PRKAA2: variants seen among roughly 807,000 people sequenced by gnomAD.
PRKAA2 encodes the protein protein kinase AMP-activated catalytic subunit alpha 2.
In PRKAA2, 40 loss-of-function variants were observed where a neutral mutation model predicts 56.3. The ratio of observed to expected loss-of-function variants is 0.71; its 90% CI spans 0.55 to 0.92. The LOEUF is 0.92. Among genes scored for constraint, PRKAA2 ranks in the 40% least tolerant of loss-of-function variants. The pLI, the probability that PRKAA2 is intolerant of heterozygous loss-of-function variation, is 0.00. For missense variants in PRKAA2, 542 were observed against 686.9 expected, an observed-to-expected ratio of 0.79 and a Z score of 2.36; for synonymous variants, 214 against 234.2, an observed-to-expected ratio of 0.91 and a Z score of 0.79.
intron 2 of PRKAA2, among the ~76,000 whole-genome samples, chr1:56,680,201 A>G (rs1266884905): frequency 2.0e-5 from 3 of 152,164 alleles, no homozygotes; most frequent in Non-Finnish European, 4.4e-5. Context: ...ACTCACTAAG[A>G]CTAGGTTAGG....
Position 56,711,105 on chromosome 1 carries a change from G to T in PRKAA2, c.*3392G>T, listed in dbSNP as rs1644366287. On this transcript the variant is annotated 3_prime_UTR_variant, in exon 9 of 9. Transcript: ENST00000371244. ...ACTAGCTATCTATAAAGAGAATCCA[G>T]AAGGCTAAATTAATCAGAAATAATT... The T allele has an allele frequency of 6.6e-6, 1 of 152,062 alleles. No individual in the cohort carries two copies. The highest frequency in any genetic ancestry group is 6.6e-5 in the Admixed American group (1 of 15,260). 9.4% of individuals were successfully genotyped at this position (152,062 alleles called of 1,614,324 possible).
chr1:56,699,065 G>A (rs1644277075), intron 6 of PRKAA2, among the ~76,000 whole-genome samples: 1 of 152,150 alleles, frequency 6.6e-6, no homozygotes, highest in African/African-American at 2.4e-5. Context: ...GAATTTTGGG[G>A]AGCGTAGTCA....
At position 56,713,846 on chromosome 1, in the gene PRKAA2, T is replaced by C. The variant is rs887669984; in HGVS notation, c.*6133T>C. 3 of 99,736 alleles carry C rather than the reference T, an allele frequency of 3.0e-5. No individual in the cohort carries two copies. Among genetic ancestry groups the C allele is most frequent in the African/African-American group, 1.5e-4 (3 of 19,710 alleles). The allele number at this position is 99,736 out of a possible 1,614,324, so 6.2% of individuals were successfully genotyped here. On this transcript the variant is annotated 3_prime_UTR_variant, in exon 9 of 9. Transcript: ENST00000371244. ...CTAAAGTGGAAGAGAGATCCACTGT[T>C]CTAAAAAAAAAAAAAAAAAAAAACA...
At position 56,691,488 on chromosome 1, in the gene PRKAA2, G is replaced by A; in HGVS notation, c.330+1G>A. ...TGACTACATCTGTAAGCATGGACGG[G>A]TGAGTAACATACTATCTGGTACACT... On this transcript the variant is annotated splice_donor_variant, in intron 3 of 8. Transcript: ENST00000371244. LOFTEE classifies it high-confidence loss of function. The A allele has an allele frequency of 1.3e-6, 2 of 1,594,468 alleles. No individual in the cohort carries two copies. Among genetic ancestry groups the A allele is most frequent in the East Asian group, 2.2e-5 (1 of 44,620 alleles).
At chr1:56,681,000 C>T (rs1644150224) in intron 2 of PRKAA2, among the ~76,000 whole-genome samples, 4 of 152,208 alleles carry the variant, frequency 2.6e-5, no homozygotes, top group Admixed American at 6.5e-5. Context: ...CCTATTTCTC[C>T]ACATCCTCTC....
chr1:56,702,091 T>C (rs1287827647), intron 6 of PRKAA2, among the ~76,000 whole-genome samples: 5 of 151,780 alleles, frequency 3.3e-5, no homozygotes, highest in Admixed American at 6.6e-5. Context: ...CTTTTCTTTT[T>C]TTTTTTTTTG....
chr1:56,704,363 C>G lies in PRKAA2; in HGVS notation c.1181C>G (p.Ser394Cys), dbSNP rs1322462262. The part of the protein sequence containing the change: ...LDALNTTKPK[S>C]LAVKKAKWHL... ...GCACTGAATACGACTAAGCCCAAATCTTTAGCTGTGAAAAAAGCCAAGTGG... is the reference window on the plus strand; with the variant it reads ...GCACTGAATACGACTAAGCCCAAATGTTTAGCTGTGAAAAAAGCCAAGTGG... The change falls in exon 7 of 9, where the codon TCT becomes TGT. Residue 394 changes from serine (S) to cysteine (C), a missense_variant. Physicochemically the swap from Ser to Cys is moderately radical, Grantham distance 112. Coordinates refer to ENST00000371244, the MANE Select transcript of PRKAA2 (RefSeq NM_006252.4). The G allele has an allele frequency of 1.2e-6, 2 of 1,614,036 alleles. No individual in the cohort carries two copies. Among genetic ancestry groups the G allele is most frequent in the Non-Finnish European group, 1.7e-6 (2 of 1,180,022 alleles).
At chr1:56,704,799 T>C (rs930930187) in intron 7 of PRKAA2, among the ~76,000 whole-genome samples, 13 of 149,000 alleles carry the variant, frequency 8.7e-5, no homozygotes, top group South Asian at 2.1e-4. Context: ...TACTTTCTCT[T>C]TTTTTTTTTA....
In PRKAA2 at chr1:56,710,716, ATCTTG is replaced by A. The variant is rs777042377; in HGVS notation, c.*3005_*3009del. On this transcript the variant is annotated 3_prime_UTR_variant, in exon 9 of 9. Coordinates refer to ENST00000371244, the MANE Select transcript of PRKAA2 (RefSeq NM_006252.4). ...TCATGACACCTTGGTTTTCTTAATC[ATCTTG>A]TATTATTATTTGAGTGCAACATTAT... 3 of 152,070 alleles carry A rather than the reference ATCTTG, an allele frequency of 2.0e-5. No individual in the cohort carries two copies. Among genetic ancestry groups the A allele is most frequent in the Non-Finnish European group, 2.9e-5 (2 of 67,964 alleles). 9.4% of individuals were successfully genotyped at this position (152,070 alleles called of 1,614,324 possible).
chr1:56,683,071 A>AT (rs10606990), intron 2 of PRKAA2, among the ~76,000 whole-genome samples: 110 of 87,212 alleles, frequency 1.3e-3, no homozygotes, highest in African/African-American at 3.2e-3. Flanking sequence ...AAAGAAAGGA[A>AT]TTTTTTTTTT....
At chr1:56,666,147 G>A (rs1421355591) in intron 1 of PRKAA2, among the ~76,000 whole-genome samples, 2 of 152,050 alleles carry the variant, frequency 1.3e-5, no homozygotes, top group East Asian at 1.9e-4. Context: ...ATATATTCAC[G>A]CACCCCAAGT....
chr1:56,704,596 AAAAAC>A, intron 7 of PRKAA2, 121 bp downstream of exon 7: 4 of 1,164,096 alleles, frequency 3.4e-6, no homozygotes, highest in Non-Finnish European at 4.7e-6. Flanking sequence ...TATGCACATT[AAAAAC>A]AAAACAAATA....
At chr1:56,678,901 G>A (rs539050667) in intron 2 of PRKAA2, among the ~76,000 whole-genome samples, 3 of 152,128 alleles carry the variant, frequency 2.0e-5, no homozygotes, top group South Asian at 2.1e-4. Flanking sequence ...TCACCATGTT[G>A]GCCAGGATGG....
At position 56,692,437 on chromosome 1, in the gene PRKAA2, A is replaced by G. The variant is rs757499355; in HGVS notation, c.410A>G (p.His137Arg). 3.1e-6 allele frequency: 5 copies of G among 1,614,136 alleles called. No individual in the cohort carries two copies. Among genetic ancestry groups the G allele is most frequent in the Non-Finnish European group, 4.2e-6 (5 of 1,180,002 alleles). The stretch of plus-strand genomic sequence containing the variant: ...TACTGTCATAGGCATATGGTTGTTC[A>G]TCGAGACCTGAAACCAGAGAATGTC... ...VDYCHRHMVV[H>R]RDLKPENVLL... Residue 137 changes from histidine to arginine, a missense_variant, in exon 4 of 9, where the codon CAT becomes CGT. His to Arg is a conservative substitution (Grantham distance 29, BLOSUM62 0). This residue lies in a region of PRKAA2 where 121 missense variants were observed against 210.0 expected (regional missense o/e 0.58). Transcript: ENST00000371244.
chr1:56,686,938 G>A (rs990285480), intron 2 of PRKAA2, among the ~76,000 whole-genome samples: 1 of 147,778 alleles, frequency 6.8e-6, no homozygotes, highest in African/African-American at 2.5e-5. Flanking sequence ...AGGCTGGAGT[G>A]CAATGGCGTG....
intron 2 of PRKAA2, among the ~76,000 whole-genome samples, chr1:56,684,302 G>A (rs1330270780): frequency 6.6e-6 from 1 of 152,066 alleles, no homozygotes; most frequent in Non-Finnish European, 1.5e-5. Flanking sequence ...ATGCTTATTA[G>A]ACATCCAAGT....
chr1:56,710,741 C>T lies in PRKAA2; in HGVS notation c.*3028C>T, dbSNP rs2100445245. On this transcript the variant is annotated 3_prime_UTR_variant, in exon 9 of 9. Coordinates refer to ENST00000371244, the MANE Select transcript of PRKAA2 (RefSeq NM_006252.4). ...ATCTTGTATTATTATTTGAGTGCAA[C>T]ATTATTCTTATGCATGGGTGACTGA... 1 of 152,064 alleles carries T rather than the reference C, an allele frequency of 6.6e-6. No individual in the cohort carries two copies. Among genetic ancestry groups the T allele is most frequent in the African/African-American group, 2.4e-5 (1 of 41,476 alleles). 9.4% of individuals were successfully genotyped at this position (152,064 alleles called of 1,614,324 possible).
chr1:56,712,425 G>A lies in PRKAA2; in HGVS notation c.*4712G>A, dbSNP rs1369121308. ...TACTAACGAGATGTAATTATCTGAA[G>A]TATTTATGATTAGCATATTGGTTTT... On this transcript the variant is annotated 3_prime_UTR_variant, in exon 9 of 9. Transcript: ENST00000371244. The A allele has an allele frequency of 3.3e-5, 5 of 152,162 alleles. No individual in the cohort carries two copies. Among genetic ancestry groups the A allele is most frequent in the Admixed American group, 6.6e-5 (1 of 15,260 alleles). 9.4% of individuals were successfully genotyped at this position (152,162 alleles called of 1,614,324 possible).
intron 1 of PRKAA2, chr1:56,671,452 G>T (rs1449595002): frequency 6.6e-6 from 1 of 152,122 alleles, no homozygotes; most frequent in Non-Finnish European, 1.5e-5. Flanking sequence ...TGAATAGAAA[G>T]TTCCTAGAAA....
Sources: gnomAD v4.1 joint callset for allele counts (sites outside exome capture counted in the v4.1 genomes callset) on GRCh38, gnomAD v4.1.1 for gene constraint, gnomAD v4.1.1 regional missense constraint, MANE v1.5 for transcripts, NCBI Gene and HGNC (gene_info 2026-07-23, HGNC 2026-07-21) for gene names.